The following SEMA4D variants were observed in gnomAD, a reference collection of about 807,000 sequenced individuals.
The protein encoded by SEMA4D is semaphorin-4D.
A neutral mutation model predicts 74.8 loss-of-function variants in SEMA4D; 22 were observed. The ratio of observed to expected loss-of-function variants is 0.29; its 90% CI spans 0.21 to 0.42. SEMA4D has a LOEUF of 0.42. Among genes scored for constraint, SEMA4D ranks in the 10% least tolerant of loss-of-function variants. The probability of loss-of-function intolerance (pLI) is 1.00; values close to 1 mark genes in which losing one functional copy is unlikely to be tolerated. For synonymous variants in SEMA4D, 445 were observed against 463.7 expected, an observed-to-expected ratio of 0.96 and a Z score of 0.52; for missense variants, 937 against 1,118.4, an observed-to-expected ratio of 0.84 and a Z score of 2.31.
chr9:89,496,091 C>A (rs917321667), intron 1 of SEMA4D, among the ~76,000 whole-genome samples: 3 of 152,152 alleles, frequency 2.0e-5, no homozygotes, highest in Admixed American at 6.5e-5. Context: ...GATGATGTCA[C>A]CAAGGACATC....
intron 16 of SEMA4D, chr9:89,367,705 TGCC>T (rs1833897474): frequency 6.6e-6 from 1 of 152,286 alleles, no homozygotes; most frequent in South Asian, 2.1e-4. Flanking sequence ...CTGTGGCAGA[TGCC>T]GTAGGTAATG....
chr9:89,396,687 A>T, intron 6 of SEMA4D, 50 bp downstream of exon 6: 1 of 1,490,274 alleles, frequency 6.7e-7, no homozygotes, highest in Non-Finnish European at 9.3e-7. Flanking sequence ...CTTCTACTTT[A>T]ACTGCTGACC....
At chr9:89,459,238 C>A (rs914307174) in intron 1 of SEMA4D, among the ~76,000 whole-genome samples, 9 of 149,088 alleles carry the variant, frequency 6.0e-5, no homozygotes, top group African/African-American at 2.2e-4. Context: ...AGCCCCAGTC[C>A]GGTAGTGCTC....
At chr9:89,402,284 C>T (rs147630155) in intron 4 of SEMA4D, among the ~76,000 whole-genome samples, 2 of 152,184 alleles carry the variant, frequency 1.3e-5, no homozygotes, top group East Asian at 1.9e-4. Flanking sequence ...GGAAGGAAAC[C>T]GAGGCTGGCT....
At chr9:89,481,110 G>A (rs892540089) in intron 1 of SEMA4D, among the ~76,000 whole-genome samples, 5 of 152,256 alleles carry the variant, frequency 3.3e-5, no homozygotes, top group South Asian at 2.1e-4. Context: ...CATGCTCTCC[G>A]AGGGGTAGAT....
At chr9:89,383,544 G>A (rs745684618) in intron 13 of SEMA4D, among the ~76,000 whole-genome samples, 4 of 152,170 alleles carry the variant, frequency 2.6e-5, no homozygotes, top group Non-Finnish European at 4.4e-5. Context: ...GAGATGCAGT[G>A]TCCAGTGCAA....
intron 5 of SEMA4D, among the ~76,000 whole-genome samples, chr9:89,398,388 C>T (rs996479581): frequency 2.6e-5 from 4 of 152,030 alleles, no homozygotes; most frequent in East Asian, 3.9e-4. Context: ...ATTATTTGCT[C>T]GTCCTGTTCC....
rs980492177 is a variant in SEMA4D at position 89,405,981 on chromosome 9, G to A, written c.-243-282C>T. 8.3e-6 allele frequency: 9 copies of A among 1,081,606 alleles called. No homozygotes were observed. In the South Asian group the frequency reaches 4.0e-4, roughly 49 times the overall value. The allele number at this position is 1,081,606 out of a possible 1,614,324, so 67.0% of individuals were successfully genotyped here. ...AGGACCTGGTGTGGGGCACCCGGCA[G>A]ACACACATGGCCGGCTGGCTGCCCA... On this transcript the variant is annotated intron_variant, in intron 2 of 15. Coordinates refer to ENST00000422704, the MANE Select transcript of SEMA4D (RefSeq NM_001371194.2).
chr9:89,482,970 C>T lies in SEMA4D; in HGVS notation c.-310+14949G>A, dbSNP rs567932569. Among the ~76,000 whole-genome samples, 15 of 152,350 alleles carry T rather than the reference C, an allele frequency of 9.8e-5. No individual in the cohort carries two copies. In the South Asian group the frequency reaches 3.1e-3, roughly 32 times the overall value. ...GTGCCCACTGGCTGGAGTCACAGAG[C>T]GGTTACTTGTAAATAAATGGAGTCT... is the stretch of plus-strand genomic sequence containing the variant. On this transcript the variant is annotated intron_variant, in intron 1 of 15. Transcript: ENST00000422704.
intron 4 of SEMA4D, among the ~76,000 whole-genome samples, chr9:89,402,506 A>G (rs1191643289): frequency 6.6e-6 from 1 of 152,150 alleles, no homozygotes; most frequent in Non-Finnish European, 1.5e-5. Flanking sequence ...CTTTCCAGTA[A>G]GAGATACCCA....
intron 2 of SEMA4D, among the ~76,000 whole-genome samples, chr9:89,443,332 G>A (rs4497060): frequency 0.27 from 40,515 of 152,102 alleles, 5,954 homozygotes; most frequent in African/African-American, 0.36. Context: ...AGCTTAAACA[G>A]GGCCACCAGG....
chr9:89,449,953 G>A, intron 2 of SEMA4D: 1 of 1,535,898 alleles, frequency 6.5e-7, no homozygotes, highest in Non-Finnish European at 9.0e-7. Context: ...GTAGCTCAGG[G>A]GACCCAAGTA....
chr9:89,414,462 G>C (rs1845259957), intron 2 of SEMA4D, among the ~76,000 whole-genome samples: 1 of 152,168 alleles, frequency 6.6e-6, no homozygotes, highest in African/African-American at 2.4e-5. Flanking sequence ...GCCAGGTGCT[G>C]GGAAACAGAA....
In SEMA4D at chr9:89,396,786, G is replaced by T; in HGVS notation, c.365C>A (p.Ser122Tyr). The change falls in exon 6 of 16, where the codon TCC becomes TAC. Residue 122 changes from serine to tyrosine, a missense_variant. Coordinates refer to ENST00000422704, the MANE Select transcript of SEMA4D (RefSeq NM_001371194.2). The part of the protein sequence containing the change: ...IRVLQPLSAT[S>Y]LYVCGTNAFQ... ...TGCGTTGGTCCCACACACGTAAAGG[G>T]AAGTGGCGCTGAGTGGCTGCAGCAC... 6.2e-7 allele frequency: 1 copy of T among 1,614,072 alleles called. No homozygotes were observed. The highest frequency in any genetic ancestry group is 2.2e-5 in the East Asian group (1 of 44,882).
intron 16 of SEMA4D, among the ~76,000 whole-genome samples, chr9:89,370,306 TTA>T (rs953586124): frequency 6.6e-6 from 1 of 151,372 alleles, no homozygotes; most frequent in African/African-American, 2.4e-5. Flanking sequence ...TGTGTGCGTG[TTA>T]TGTCGTGTGT....
chr9:89,457,988 G>A (rs978302341), intron 1 of SEMA4D, among the ~76,000 whole-genome samples: 5 of 152,298 alleles, frequency 3.3e-5, no homozygotes, highest in East Asian at 1.9e-4. Flanking sequence ...AGCCAAGATC[G>A]TGCCACTGCA....
intron 1 of SEMA4D, among the ~76,000 whole-genome samples, chr9:89,482,627 G>A (rs1824811931): frequency 6.6e-6 from 1 of 152,208 alleles, no homozygotes; most frequent in Non-Finnish European, 1.5e-5. Context: ...CACAATTCAT[G>A]AATAAGGCTG....
At chr9:89,496,038 A>T (rs1338124245) in intron 1 of SEMA4D, among the ~76,000 whole-genome samples, 1 of 152,168 alleles carries the variant, frequency 6.6e-6, no homozygotes, top group Non-Finnish European at 1.5e-5. Context: ...TCTAGGTAAC[A>T]TCTGCCTCCA....
chr9:89,465,810 A>C (rs1342696493), intron 1 of SEMA4D, among the ~76,000 whole-genome samples: 2 of 152,252 alleles, frequency 1.3e-5, no homozygotes, highest in Admixed American at 6.5e-5. Context: ...GTACAAAGAC[A>C]GGTGAGCCCT....
Sources: gnomAD v4.1 joint callset for allele counts (sites outside exome capture counted in the v4.1 genomes callset) on GRCh38, gnomAD v4.1.1 for gene constraint, MANE v1.5 for transcripts, NCBI Gene and HGNC (gene_info 2026-07-23, HGNC 2026-07-21) for gene names.